The following NDUFV3 variants were observed in gnomAD, a reference collection of about 807,000 sequenced individuals.
NDUFV3 encodes the protein NADH:ubiquinone oxidoreductase subunit V3.
Under a neutral mutation model 37.5 loss-of-function variants are expected in NDUFV3, and 44 were observed. That is an observed-to-expected ratio of 1.17 (90% CI 0.92 to 1.51). The LOEUF is 1.51. Among genes scored for constraint, NDUFV3 ranks in the 40% most tolerant of loss-of-function variants. NDUFV3 has a pLI of 0.00. For missense variants in NDUFV3, 580 were observed against 580.4 expected, an observed-to-expected ratio of 1.00 and a Z score of 0.01; for synonymous variants, 235 against 239.3, an observed-to-expected ratio of 0.98 and a Z score of 0.17.
At position 42,903,268 on chromosome 21, in the gene NDUFV3, T is replaced by TA; in HGVS notation, c.257dup (p.Tyr86Ter). The change falls in exon 3 of 4, where the codon TAC (tyrosine) becomes TAAC (stop). Residue 86 changes from tyrosine (Y) to a stop codon, truncating the protein, a stop_gained and frameshift_variant. Transcript: ENST00000354250. LOFTEE classifies it high-confidence loss of function. Reference sequence around the variant, plus strand: ...TAAAAACTTATCTTCACCCAGTTCTTACCCGCCAGCTGTGAATAAGGGCAG... The same window carrying TA: ...TAAAAACTTATCTTCACCCAGTTCTTAACCCGCCAGCTGTGAATAAGGGCAG... ...LSKNLSSPSS[Y>*]PPAVNKGRKV... The TA allele has an allele frequency of 1.2e-6, 2 of 1,614,178 alleles. No individual in the cohort carries two copies. The highest frequency in any genetic ancestry group is 1.7e-6 in the Non-Finnish European group (2 of 1,180,018).
chr21:42,897,634 A>G (rs1260097368), intron 2 of NDUFV3, among the ~76,000 whole-genome samples: 4 of 147,694 alleles, frequency 2.7e-5, no homozygotes, highest in East Asian at 2.0e-4. Flanking sequence ...CGGCCTCCCA[A>G]AGTGTTGGGA....
At chr21:42,894,326 AATACATATT>A (rs1260769328) in intron 1 of NDUFV3, among the ~76,000 whole-genome samples, 2 of 67,596 alleles carry the variant, frequency 3.0e-5, no homozygotes, top group African/African-American at 8.7e-5. Flanking sequence ...TATATATATA[AATACATATT>A]ATATATATTA....
chr21:42,905,208 T>C (rs987920160), intron 3 of NDUFV3, among the ~76,000 whole-genome samples: 4 of 152,234 alleles, frequency 2.6e-5, no homozygotes, highest in African/African-American at 9.6e-5. Context: ...GTCCAAGTGT[T>C]CATTGATGAC....
At chr21:42,908,685 G>C (rs971207495) in intron 3 of NDUFV3, among the ~76,000 whole-genome samples, 179 bp from the exon 4 acceptor site, 1 of 151,524 alleles carries the variant, frequency 6.6e-6, no homozygotes, top group African/African-American at 2.4e-5. Context: ...TCACAGATAG[G>C]GTTGATGAAG....
chr21:42,904,647 TA>T (rs2058733855), intron 3 of NDUFV3, among the ~76,000 whole-genome samples: 1 of 82,648 alleles, frequency 1.2e-5, no homozygotes, highest in Non-Finnish European at 2.3e-5. Context: ...CACACCTGGC[TA>T]ATTTTTTTTG....
rs778463757 is a variant in NDUFV3 at position 42,904,237 on chromosome 21, G to T, written c.1225G>T (p.Asp409Tyr). The change falls in exon 3 of 4, where the codon GAT becomes TAT. Residue 409 changes from aspartate (D) to tyrosine (Y), a missense_variant. Transcript: ENST00000354250. ...TGAGGCCGAGGGCGAGGCCATGGAA[G>T]ATGCAGCCGCGCCAGGGGACGACCG... is the stretch of plus-strand genomic sequence containing the variant. The part of the protein sequence containing the change: ...KLEAEGEAME[D>Y]AAAPGDDRGG... 7.1e-5 allele frequency: 115 copies of T among 1,611,644 alleles called. No individual in the cohort carries two copies. The South Asian group carries it at 1.2e-3, about 17-fold the overall frequency.
intron 1 of NDUFV3, among the ~76,000 whole-genome samples, chr21:42,894,554 T>C (rs1486938841): frequency 3.2e-5 from 2 of 63,070 alleles, no homozygotes; most frequent in African/African-American, 1.9e-4. Flanking sequence ...ATATATAATA[T>C]ATATATATTT....
rs13047948 is a variant in NDUFV3 at position 42,907,957 on chromosome 21, T to C, written c.1265-907T>C. On this transcript the variant is annotated intron_variant, in intron 3 of 3. Coordinates refer to ENST00000354250, the MANE Select transcript of NDUFV3 (RefSeq NM_021075.4). ...TTACCTGAAAGTCCTGCTATAATTG[T>C]TCTAGGCATTTTCAAACTTTTGAGA... Among the ~76,000 whole-genome samples, 3 of 152,244 alleles carry C rather than the reference T, an allele frequency of 2.0e-5. No homozygotes were observed. The South Asian group carries it at 6.2e-4, about 32-fold the overall frequency.
In NDUFV3 at chr21:42,896,629, T is replaced by C. The variant is rs549695979; in HGVS notation, c.49-298T>C. ...CTTCAGGATCGCTTGAGGCCAGGAG[T>C]TTGAGGAAGCCAGGAGTTTGAGACC... On this transcript the variant is annotated intron_variant, in intron 1 of 3. Coordinates refer to ENST00000354250, the MANE Select transcript of NDUFV3 (RefSeq NM_021075.4). 9.7e-4 allele frequency among the ~76,000 whole-genome samples: 147 copies of C among 151,468 alleles called. No homozygotes were observed. The Middle Eastern group carries it at 0.024, about 25-fold the overall frequency.
intron 2 of NDUFV3, among the ~76,000 whole-genome samples, chr21:42,902,765 A>C (rs2058722314): frequency 1.3e-5 from 2 of 152,118 alleles, no homozygotes; most frequent in South Asian, 4.1e-4. Context: ...TCTGAGGGGA[A>C]TTGGTTCTAG....
At chr21:42,905,247 GGGA>G (rs1378297356) in intron 3 of NDUFV3, among the ~76,000 whole-genome samples, 10 of 152,182 alleles carry the variant, frequency 6.6e-5, no homozygotes, top group African/African-American at 2.4e-4. Context: ...AAGTGAAAAG[GGGA>G]GCCTCCGGTT....
intron 2 of NDUFV3, among the ~76,000 whole-genome samples, chr21:42,899,012 G>A (rs560466584): frequency 1.3e-5 from 2 of 152,208 alleles, no homozygotes; most frequent in South Asian, 4.1e-4. Flanking sequence ...GGCCATCTGG[G>A]TTGTGGTTTG....
intron 1 of NDUFV3, among the ~76,000 whole-genome samples, chr21:42,895,254 G>A (rs1337481196): frequency 6.6e-6 from 1 of 152,072 alleles, no homozygotes; most frequent in Non-Finnish European, 1.5e-5. Flanking sequence ...AAGCCAAGGT[G>A]GGTGGATAAC....
chr21:42,894,090 C>T (rs766939569), intron 1 of NDUFV3, among the ~76,000 whole-genome samples: 4 of 150,366 alleles, frequency 2.7e-5, no homozygotes, highest in Non-Finnish European at 5.9e-5. Context: ...TGGTGCATTC[C>T]TGTAATCCCA....
chr21:42,899,681 G>A (rs1411304007), intron 2 of NDUFV3, among the ~76,000 whole-genome samples: 4 of 152,122 alleles, frequency 2.6e-5, no homozygotes, highest in Non-Finnish European at 5.9e-5. Flanking sequence ...TTGACCTCGT[G>A]ATCCGTCCGC....
At chr21:42,907,448 ATTT>A (rs749048453) in intron 3 of NDUFV3, among the ~76,000 whole-genome samples, 17,615 of 123,206 alleles carry the variant, frequency 0.14, 1,127 homozygotes, top group East Asian at 0.27. Context: ...TGCCCTACTA[ATTT>A]TTTTTTTTTT....
At chr21:42,896,844 AAT>A (rs968798894) in intron 1 of NDUFV3, 81 bp from the exon 2 acceptor site, 2,754 of 1,299,502 alleles carry the variant, frequency 2.1e-3, no homozygotes, top group East Asian at 3.5e-3. Flanking sequence ...TGACTCAAAA[AAT>A]ATATATATAT....
At chr21:42,900,367 G>A (rs1361265034) in intron 2 of NDUFV3, among the ~76,000 whole-genome samples, 2 of 152,184 alleles carry the variant, frequency 1.3e-5, no homozygotes, top group Admixed American at 6.5e-5. Context: ...GCTGGGCATG[G>A]TGGCGGACGC....
chr21:42,894,851 A>G (rs1248370728), intron 1 of NDUFV3, among the ~76,000 whole-genome samples: 1 of 151,996 alleles, frequency 6.6e-6, no homozygotes, highest in Non-Finnish European at 1.5e-5. Context: ...GTGCACATAC[A>G]GGCACCTCTG....
Sources: allele counts gnomAD v4.1 joint callset (sites outside exome capture counted in the v4.1 genomes callset), GRCh38; gene constraint gnomAD v4.1.1; transcripts MANE v1.5; gene names NCBI Gene and HGNC (gene_info 2026-07-23, HGNC 2026-07-21).